The following SDC1 variants were observed in gnomAD, a reference collection of about 807,000 sequenced individuals.
The protein encoded by SDC1 is syndecan 1, also known as syndecan-1.
In SDC1, 14 loss-of-function variants were observed where a neutral mutation model predicts 29.7. The observed-to-expected ratio is 0.47, with a 90% confidence interval of 0.31 to 0.74. The LOEUF (loss-of-function observed/expected upper bound fraction) is 0.74. Ranked by LOEUF, SDC1 falls within the 30% of genes least tolerant of loss-of-function variation. SDC1 has a pLI of 0.05. For missense variants in SDC1, 406 were observed against 400.3 expected (o/e 1.01, Z -0.12); for synonymous variants, 204 against 175.5 (o/e 1.16, Z -1.29).
intron 1 of SDC1, among the ~76,000 whole-genome samples, chr2:20,216,829 C>T (rs1677640030): frequency 6.6e-6 from 1 of 152,222 alleles, no homozygotes; most frequent in Admixed American, 6.5e-5. Context: ...GGCAGACGTG[C>T]AATCCTCACC....
At chr2:20,223,402 GC>G in intron 1 of SDC1, 1 of 666,070 alleles carries the variant, frequency 1.5e-6, no homozygotes, top group Non-Finnish European at 2.3e-6. Context: ...GAACCCGAGT[GC>G]CCACCCCGCC....
chr2:20,202,221 G>C lies in SDC1; in HGVS notation c.*545C>G. The C allele has an allele frequency of 2.6e-6, 2 of 771,326 alleles. No homozygotes were observed. Among genetic ancestry groups the C allele is most frequent in the Non-Finnish European group, 4.8e-6 (2 of 414,644 alleles). The allele number at this position is 771,326 out of a possible 1,614,324, so 47.8% of individuals were successfully genotyped here. A position where few individuals can be genotyped will look rare whatever the true frequency, so the allele number is the denominator to read the frequency against. The stretch of plus-strand genomic sequence containing the variant: ...ACCTCAGAAGTAACAAGGTCTACTG[G>C]GCTATGAACAAAGAACTAGAGGAAA... On this transcript the variant is annotated 3_prime_UTR_variant, in exon 5 of 5. Coordinates refer to ENST00000254351, the MANE Select transcript of SDC1 (RefSeq NM_002997.5).
At chr2:20,208,493 T>C (rs1490123130) in intron 1 of SDC1, among the ~76,000 whole-genome samples, 1 of 152,256 alleles carries the variant, frequency 6.6e-6, no homozygotes, top group African/African-American at 2.4e-5. Context: ...TTGAATCTTC[T>C]GGGACAGCCC....
chr2:20,208,053 C>A, intron 1 of SDC1: 1 of 985,436 alleles, frequency 1.0e-6, no homozygotes, highest in Non-Finnish European at 1.2e-6. Flanking sequence ...ACCCCACGAG[C>A]CTCTGCTGCA....
intron 1 of SDC1, among the ~76,000 whole-genome samples, chr2:20,210,537 G>A (rs77749643): frequency 0.013 from 2,054 of 152,338 alleles, 22 homozygotes; most frequent in Middle Eastern, 0.054. Context: ...CTTGGGCAGC[G>A]CAGGGGGCCT....
rs575490461 is a variant in SDC1, at chr2:20,221,769, C to G, written c.66+3033G>C. Among the ~76,000 whole-genome samples, 177 of 152,238 alleles carry G rather than the reference C, an allele frequency of 1.2e-3. No homozygotes were observed. The Middle Eastern group carries it at 0.024, about 20-fold the overall frequency. ...CTCTCCTTTCTTACTGTCTCCCTAC[C>G]AATGTGTGTTAATGAGGTTTTACTG... On this transcript the variant is annotated intron_variant, in intron 1 of 4. Coordinates refer to ENST00000254351, the MANE Select transcript of SDC1 (RefSeq NM_002997.5).
intron 1 of SDC1, among the ~76,000 whole-genome samples, chr2:20,221,837 C>T (rs1336284613): frequency 6.6e-6 from 1 of 152,118 alleles, no homozygotes; most frequent in Non-Finnish European, 1.5e-5. Flanking sequence ...ACCGCTCCAC[C>T]CTCCCTGTAG....
At chr2:20,223,891 A>T (rs1015071199) in intron 1 of SDC1, among the ~76,000 whole-genome samples, 23 of 152,080 alleles carry the variant, frequency 1.5e-4, no homozygotes, top group Admixed American at 4.6e-4. Flanking sequence ...CATCCCACCC[A>T]AAGGCCTCTT....
At position 20,222,122 on chromosome 2, in the gene SDC1, G is replaced by C. The variant is rs1189301999; in HGVS notation, c.66+2680C>G. On this transcript the variant is annotated intron_variant, in intron 1 of 4. Coordinates refer to ENST00000254351, the MANE Select transcript of SDC1 (RefSeq NM_002997.5). ...ACACACACACACACAGAGAGAAAGA[G>C]AGAGAGAAACCTTTTTAGACAAACC... Among the ~76,000 whole-genome samples the C allele has an allele frequency of 3.3e-5, 5 of 152,218 alleles. No homozygotes were observed. The East Asian group carries it at 9.6e-4, about 29-fold the overall frequency.
intron 1 of SDC1, chr2:20,223,166 T>C (rs182177014): frequency 3.0e-4 from 314 of 1,029,882 alleles, no homozygotes; most frequent in Non-Finnish European, 3.5e-4. Context: ...CACAGGGACC[T>C]CTCCTGGACC....
intron 1 of SDC1, among the ~76,000 whole-genome samples, chr2:20,206,824 G>A (rs1417072669): frequency 6.6e-6 from 1 of 152,240 alleles, no homozygotes; most frequent in Non-Finnish European, 1.5e-5. Context: ...ATGAAGCTAT[G>A]CCTAACACAG....
intron 2 of SDC1, among the ~76,000 whole-genome samples, chr2:20,204,694 CCAA>C (rs1333607598): frequency 6.6e-6 from 1 of 152,176 alleles, no homozygotes; most frequent in Admixed American, 6.5e-5. Context: ...ACAGACACTT[CCAA>C]CAACAGATAT....
At chr2:20,209,526 T>C (rs1053626617) in intron 1 of SDC1, among the ~76,000 whole-genome samples, 13 of 152,140 alleles carry the variant, frequency 8.5e-5, no homozygotes, top group Admixed American at 4.6e-4. Context: ...CAGCCCACAT[T>C]TGAGAGGTGG....
At position 20,204,122 on chromosome 2, in the gene SDC1, G is replaced by A. The variant is rs773075605; in HGVS notation, c.318C>T (p.Val106=). The A allele has an allele frequency of 6.8e-6, 11 of 1,605,886 alleles. No homozygotes were observed. Among genetic ancestry groups the A allele is most frequent in the Non-Finnish European group, 9.3e-6 (11 of 1,179,836 alleles). Residue 106 remains valine, a synonymous_variant, in exon 3 of 5, where the codon GTC becomes GTT. Coordinates refer to ENST00000254351, the MANE Select transcript of SDC1 (RefSeq NM_002997.5). ...GEGPKEGEAV[V]LPEVEPGLTA... is the part of the protein sequence containing the mutation. ...TGAGGCCAGGCTCCACTTCTGGCAGGACTACAGCCTCTCCCTCCTTGGGCC... is the reference window on the plus strand; with the variant it reads ...TGAGGCCAGGCTCCACTTCTGGCAGAACTACAGCCTCTCCCTCCTTGGGCC...
chr2:20,223,387 G>T, intron 1 of SDC1: 1 of 945,072 alleles, frequency 1.1e-6, no homozygotes, highest in Non-Finnish European at 1.5e-6. Flanking sequence ...CACATTAGCA[G>T]TGGAGAACCC....
chr2:20,224,902 G>A lies in SDC1; in HGVS notation c.-35C>T. On this transcript the variant is annotated 5_prime_UTR_variant, in exon 1 of 5. Coordinates refer to ENST00000254351, the MANE Select transcript of SDC1 (RefSeq NM_002997.5). The surrounding 1 kb of genome is among the most constrained non-coding windows in gnomAD (Gnocchi z 4.9). ...ACCGGCGGCGGGAGAGCGGCAGGCTGCGCGGGTCGCGGCTGCGGGCCGGCT... is the reference window on the plus strand; with the variant it reads ...ACCGGCGGCGGGAGAGCGGCAGGCTACGCGGGTCGCGGCTGCGGGCCGGCT... 8.3e-7 allele frequency: 1 copy of A among 1,208,924 alleles called. No individual in the cohort carries two copies. The highest frequency in any genetic ancestry group is 1.6e-5 in the African/African-American group (1 of 63,358). The allele number at this position is 1,208,924 out of a possible 1,614,324, so 74.9% of individuals were successfully genotyped here. A position where few individuals can be genotyped will look rare whatever the true frequency, so the allele number is the denominator to read the frequency against.
intron 1 of SDC1, among the ~76,000 whole-genome samples, chr2:20,218,225 C>G (rs1677694222): frequency 6.6e-6 from 1 of 152,218 alleles, no homozygotes. Flanking sequence ...ACAGTCGGGG[C>G]TCAGCTGAAC....
At chr2:20,219,574 A>G (rs1030281498) in intron 1 of SDC1, among the ~76,000 whole-genome samples, 7 of 152,172 alleles carry the variant, frequency 4.6e-5, no homozygotes, top group Non-Finnish European at 1.0e-4. Flanking sequence ...CAGGGCACGC[A>G]TGTCCCATTC....
chr2:20,224,048 T>A lies in SDC1; in HGVS notation c.66+754A>T. Reference sequence around the variant, plus strand: ...CGGGTCCCCTCGCGTGGAAGGCGCCTGCGCCTCGGCCGTGCCCGGCACGGG... The same window carrying A: ...CGGGTCCCCTCGCGTGGAAGGCGCCAGCGCCTCGGCCGTGCCCGGCACGGG... On this transcript the variant is annotated intron_variant, in intron 1 of 4. Transcript: ENST00000254351. This position sits in a 1 kb window ranked among gnomAD's most constrained non-coding sequence, Gnocchi z 4.9. The A allele has an allele frequency of 3.9e-6, 1 of 253,254 alleles. No individual in the cohort carries two copies. The highest frequency in any genetic ancestry group is 2.8e-5 in the South Asian group (1 of 36,020). The allele number at this position is 253,254 out of a possible 1,614,324, so 15.7% of individuals were successfully genotyped here.
Sources: allele counts gnomAD v4.1 joint callset (sites outside exome capture counted in the v4.1 genomes callset), GRCh38; gene constraint gnomAD v4.1.1; non-coding constraint Gnocchi (gnomAD v3.1); transcripts MANE v1.5; gene names NCBI Gene and HGNC (gene_info 2026-07-23, HGNC 2026-07-21).